MAPK10: variants seen among roughly 807,000 people sequenced by gnomAD.
MAPK10 encodes the protein mitogen-activated protein kinase 10.
MAPK10 carries 25 observed loss-of-function variants against 59.3 expected under a neutral mutation model. That is an observed-to-expected ratio of 0.42 (90% CI 0.31 to 0.59). MAPK10 has a LOEUF of 0.59. Among genes scored for constraint, MAPK10 ranks in the 20% least tolerant of loss-of-function variants. MAPK10 has a pLI of 0.15. For synonymous variants in MAPK10, 190 were observed against 200.5 expected, an observed-to-expected ratio of 0.95 and a Z score of 0.44; for missense variants, 351 against 568.9, an observed-to-expected ratio of 0.62 and a Z score of 3.90.
At position 86,329,505 on chromosome 4, in the gene MAPK10, T is replaced by C. The variant is rs137935088; in HGVS notation, c.-7+25025A>G. Among the ~76,000 whole-genome samples, 1,460 of 152,296 alleles carry C rather than the reference T, an allele frequency of 9.6e-3. 21 individuals carry two copies. The highest frequency in any genetic ancestry group is 0.033 in the African/African-American group (1,359 of 41,564). On this transcript the variant is annotated intron_variant, in intron 2 of 13. Coordinates refer to ENST00000641462, the MANE Select transcript of MAPK10 (RefSeq NM_138982.4). ...CATCATTGTATTGTAAGAAGTAAGA[T>C]ATGTGCAGCCTTTACTGTCTGCAGC...
intron 3 of MAPK10, 100 bp from the exon 4 acceptor site, chr4:86,159,567 G>T: frequency 1.1e-6 from 1 of 925,326 alleles, no homozygotes; most frequent in Non-Finnish European, 1.6e-6. Context: ...CTGACACTTA[G>T]CCATCTATCA....
At chr4:86,463,781 C>G (rs916317030) in intron 1 of MAPK10, among the ~76,000 whole-genome samples, 10 of 152,140 alleles carry the variant, frequency 6.6e-5, no homozygotes, top group Admixed American at 5.2e-4. Context: ...AGAGGAGATC[C>G]TAGTCTCCCT....
chr4:86,090,017 G>A (rs1380570698), intron 9 of MAPK10, among the ~76,000 whole-genome samples: 6 of 152,052 alleles, frequency 3.9e-5, no homozygotes, highest in East Asian at 1.9e-4. Context: ...TGGAATTCAA[G>A]GTGGAATTAT....
chr4:86,488,403 T>A (rs1352878455), intron 1 of MAPK10, among the ~76,000 whole-genome samples: 4 of 152,204 alleles, frequency 2.6e-5, no homozygotes, highest in African/African-American at 9.7e-5. Context: ...TCAAGCCCCT[T>A]GTGCAAAGTT....
rs188588111 is a variant in MAPK10 at position 86,301,175 on chromosome 4, G to A, written c.-7+53355C>T. Among the ~76,000 whole-genome samples the A allele has an allele frequency of 3.1e-3, 470 of 152,242 alleles. 6 individuals are homozygous for A. Among genetic ancestry groups the A allele is most frequent in the Admixed American group, 0.016 (239 of 15,288 alleles). ...GACTCCAGATATTGCCAAATGCCCA[G>A]TGGGAGAAATTGGGCAGGGGCGGGG... On this transcript the variant is annotated intron_variant, in intron 2 of 13. Coordinates refer to ENST00000641462, the MANE Select transcript of MAPK10 (RefSeq NM_138982.4).
Position 86,029,252 on chromosome 4 carries a change from C to A in MAPK10, c.1197G>T (p.Met399Ile). 6.2e-7 allele frequency: 1 copy of A among 1,609,884 alleles called. No individual in the cohort carries two copies. The highest frequency in any genetic ancestry group is 8.5e-7 in the Non-Finnish European group (1 of 1,176,656). Residue 399 changes from methionine to isoleucine, a missense_variant, in exon 13 of 14, where the codon ATG becomes ATT. Met to Ile is a conservative substitution (Grantham distance 10, BLOSUM62 1). This residue lies in a region of MAPK10 where 155 missense variants were observed against 204.2 expected (regional missense o/e 0.76). Coordinates refer to ENST00000641462, the MANE Select transcript of MAPK10 (RefSeq NM_138982.4). Reference sequence around the variant, plus strand: ...CATTTTTAGTCTTTTCTTCTGAATTCATTACTTCCTTGTAGATAAGTTCTG... The same window carrying A: ...CATTTTTAGTCTTTTCTTCTGAATTAATTACTTCCTTGTAGATAAGTTCTG... ...EWKELIYKEV[M>I]NSEEKTKNGV... is the part of the protein sequence containing the mutation.
chr4:86,076,554 T>A (rs1167799027), intron 9 of MAPK10, among the ~76,000 whole-genome samples: 1 of 152,196 alleles, frequency 6.6e-6, no homozygotes, highest in African/African-American at 2.4e-5. Flanking sequence ...TGGTAAAAAA[T>A]TGTTTTAATT....
At chr4:86,509,470 A>AC (rs947743822) in intron 1 of MAPK10, among the ~76,000 whole-genome samples, 1 of 151,966 alleles carries the variant, frequency 6.6e-6, no homozygotes, top group East Asian at 1.9e-4. Context: ...CCAAAAAAAA[A>AC]AAACAAACAA....
chr4:86,065,926 T>G (rs900735092), intron 10 of MAPK10, among the ~76,000 whole-genome samples: 1 of 152,208 alleles, frequency 6.6e-6, no homozygotes, highest in African/African-American at 2.4e-5. Flanking sequence ...TCTACAAATT[T>G]GAAAATTATA....
At chr4:86,559,164 C>A (rs1281807831) in intron 1 of MAPK10, among the ~76,000 whole-genome samples, 1 of 150,990 alleles carries the variant, frequency 6.6e-6, no homozygotes, top group Non-Finnish European at 1.5e-5. Context: ...ATTATTTTTC[C>A]TTTTCTTCTT....
At chr4:86,251,205 AG>A (rs1218517212) in intron 2 of MAPK10, among the ~76,000 whole-genome samples, 2 of 151,942 alleles carry the variant, frequency 1.3e-5, no homozygotes, top group Non-Finnish European at 2.9e-5. Context: ...TTTAAATTTT[AG>A]GGTACATGTG....
intron 3 of MAPK10, among the ~76,000 whole-genome samples, chr4:86,167,610 C>G (rs2072255311): frequency 6.6e-6 from 1 of 152,152 alleles, no homozygotes; most frequent in Admixed American, 6.5e-5. Context: ...GAACCAATGA[C>G]AAAAACCACA....
intron 3 of MAPK10, among the ~76,000 whole-genome samples, chr4:86,175,735 C>A (rs1418046798): frequency 1.3e-5 from 2 of 152,084 alleles, no homozygotes; most frequent in Non-Finnish European, 2.9e-5. Context: ...CCAATTAAAT[C>A]TCTATTATTT....
intron 1 of MAPK10, among the ~76,000 whole-genome samples, chr4:86,506,241 C>T (rs528917315): frequency 2.1e-4 from 32 of 152,174 alleles, no homozygotes; most frequent in Non-Finnish European, 4.4e-4. Flanking sequence ...AGGAACTGTC[C>T]TCTGAATAGG....
At chr4:86,169,563 G>A (rs538920557) in intron 3 of MAPK10, among the ~76,000 whole-genome samples, 15 of 152,158 alleles carry the variant, frequency 9.9e-5, no homozygotes, top group Non-Finnish European at 1.6e-4. Context: ...ATGGGACTAC[G>A]TGAAAAGACC....
At chr4:86,431,047 A>G (rs985913692) in intron 1 of MAPK10, among the ~76,000 whole-genome samples, 8 of 152,108 alleles carry the variant, frequency 5.3e-5, no homozygotes, top group Non-Finnish European at 8.8e-5. Flanking sequence ...GATGGTAGAA[A>G]AGAAGGAAAG....
At chr4:86,292,446 G>T (rs1400249601) in intron 2 of MAPK10, among the ~76,000 whole-genome samples, 1 of 152,164 alleles carries the variant, frequency 6.6e-6, no homozygotes, top group Non-Finnish European at 1.5e-5. Context: ...AATAGCTGTG[G>T]GCTGCGCACC....
chr4:86,439,775 T>A (rs1749203246), intron 1 of MAPK10, among the ~76,000 whole-genome samples: 1 of 152,186 alleles, frequency 6.6e-6, no homozygotes, highest in African/African-American at 2.4e-5. Context: ...GGTTTGTTTG[T>A]TTCTTGTTTT....
intron 13 of MAPK10, chr4:86,028,839 C>T (rs905098436): frequency 1.0e-5 from 3 of 300,906 alleles, no homozygotes; most frequent in African/African-American, 2.2e-5. Flanking sequence ...GAAGAGGTAG[C>T]GGCTGAAAGG....
Sources: allele counts gnomAD v4.1 joint callset (sites outside exome capture counted in the v4.1 genomes callset), GRCh38; gene constraint gnomAD v4.1.1; regional missense constraint gnomAD v4.1.1; transcripts MANE v1.5; gene names NCBI Gene and HGNC (gene_info 2026-07-23, HGNC 2026-07-21).